DCDC1: variants seen among roughly 807,000 people sequenced by gnomAD.
DCDC1 encodes doublecortin domain-containing protein 1.
DCDC1 carries 200 observed loss-of-function variants against 178.3 expected under a neutral mutation model. That is an observed-to-expected ratio of 1.12 (90% CI 1.00 to 1.26). DCDC1 has a LOEUF of 1.26. Among genes scored for constraint, DCDC1 ranks in the 50% most tolerant of loss-of-function variants. DCDC1 has a pLI of 0.00. For missense variants in DCDC1, 1,983 were observed against 1,749.2 expected, an observed-to-expected ratio of 1.13 and a Z score of -2.38; for synonymous variants, 690 against 604.8, an observed-to-expected ratio of 1.14 and a Z score of -2.07.
At chr11:31,145,357 C>T (rs1490599309) in intron 9 of DCDC1, among the ~76,000 whole-genome samples, 4 of 152,096 alleles carry the variant, frequency 2.6e-5, no homozygotes, top group South Asian at 2.1e-4. Context: ...GAGAAATACT[C>T]GAAGATAGGA....
At chr11:30,943,698 G>T (rs1170167425) in intron 21 of DCDC1, 1 of 445,742 alleles carries the variant, frequency 2.2e-6, no homozygotes, top group Non-Finnish European at 4.5e-6. Context: ...GAAACCAAAA[G>T]AATTTATTAA....
intron 9 of DCDC1, among the ~76,000 whole-genome samples, chr11:31,187,710 G>A (rs889902498): frequency 6.6e-6 from 1 of 152,092 alleles, no homozygotes; most frequent in Non-Finnish European, 1.5e-5. Flanking sequence ...GAAATCAAAG[G>A]ATCCAGTTAC....
chr11:31,203,816 C>CA (rs765694429), intron 9 of DCDC1, among the ~76,000 whole-genome samples: 2 of 152,110 alleles, frequency 1.3e-5, no homozygotes, highest in Non-Finnish European at 2.9e-5. Flanking sequence ...ATATCACTAT[C>CA]ACTGCTTCTA....
chr11:30,902,314 C>A (rs1944741066), intron 32 of DCDC1, among the ~76,000 whole-genome samples: 1 of 152,134 alleles, frequency 6.6e-6, no homozygotes, highest in Non-Finnish European at 1.5e-5. Flanking sequence ...AAACATTCTT[C>A]CCCTCTGGAG....
At chr11:31,148,515 A>T (rs1964730101) in intron 9 of DCDC1, among the ~76,000 whole-genome samples, 1 of 152,070 alleles carries the variant, frequency 6.6e-6, no homozygotes, top group African/African-American at 2.4e-5. Flanking sequence ...CTCAAAAAAT[A>T]AAATAAATAA....
chr11:30,866,637 C>T (rs776547475), intron 38 of DCDC1, among the ~76,000 whole-genome samples: 20 of 152,150 alleles, frequency 1.3e-4, no homozygotes, highest in Non-Finnish European at 1.5e-4. Context: ...GATTCTTCCT[C>T]ATAGCCCTCA....
intron 20 of DCDC1, among the ~76,000 whole-genome samples, chr11:31,030,461 G>T (rs1358755256): frequency 1.3e-5 from 2 of 152,170 alleles, no homozygotes; most frequent in African/African-American, 4.8e-5. Context: ...GGTAGATTGT[G>T]ATCTACTACT....
intron 20 of DCDC1, among the ~76,000 whole-genome samples, chr11:31,052,938 GAACA>G (rs760789964): frequency 1.3e-5 from 2 of 151,630 alleles, no homozygotes; most frequent in Non-Finnish European, 2.9e-5. Context: ...AGAGAAACAA[GAACA>G]AACCAAACCC....
At chr11:31,206,047 G>A (rs1272423333) in intron 9 of DCDC1, among the ~76,000 whole-genome samples, 1 of 152,070 alleles carries the variant, frequency 6.6e-6, no homozygotes, top group African/African-American at 2.4e-5. Context: ...ACATTACTGC[G>A]ATAGATGAGT....
chr11:30,879,004 GC>G (rs753317410), intron 37 of DCDC1, among the ~76,000 whole-genome samples: 1 of 152,222 alleles, frequency 6.6e-6, no homozygotes, highest in East Asian at 1.9e-4. Flanking sequence ...AAGACAGAAA[GC>G]AGCAGTGAGA....
intron 11 of DCDC1, 104 bp downstream of exon 11, chr11:31,127,365 T>C: frequency 1.1e-5 from 6 of 537,020 alleles, no homozygotes; most frequent in Middle Eastern, 3.9e-4. Flanking sequence ...GAAGACAACA[T>C]TAAAAGAAAT....
At chr11:31,110,521 T>C (rs888967268) in intron 11 of DCDC1, among the ~76,000 whole-genome samples, 160 bp from the exon 12 acceptor site, 1 of 152,102 alleles carries the variant, frequency 6.6e-6, no homozygotes, top group Non-Finnish European at 1.5e-5. Flanking sequence ...GGACCGACTG[T>C]ATAAACACAT....
chr11:31,054,189 A>G (rs1415105526), intron 20 of DCDC1, among the ~76,000 whole-genome samples: 2 of 151,836 alleles, frequency 1.3e-5, no homozygotes, highest in Non-Finnish European at 2.9e-5. Context: ...GTGACCAAGC[A>G]GAGAATCAAA....
intron 10 of DCDC1, among the ~76,000 whole-genome samples, chr11:31,137,060 T>A (rs11031296): frequency 7.2e-5 from 11 of 152,134 alleles, no homozygotes; most frequent in Non-Finnish European, 4.4e-5. Flanking sequence ...ATTCAAAAAA[T>A]TTTTGTTTTT....
chr11:30,903,842 A>C, intron 31 of DCDC1, 159 bp from the exon 32 acceptor site: 1 of 619,596 alleles, frequency 1.6e-6, no homozygotes, highest in Non-Finnish European at 2.5e-6. Context: ...ATTACAGACT[A>C]TTTTGGATAT....
chr11:31,260,611 G>C (rs1463116422), intron 8 of DCDC1, among the ~76,000 whole-genome samples: 1 of 152,144 alleles, frequency 6.6e-6, no homozygotes, highest in South Asian at 2.1e-4. Flanking sequence ...AAATTTAACA[G>C]TACTCATTAT....
intron 6 of DCDC1, among the ~76,000 whole-genome samples, chr11:31,299,481 G>A (rs984814387): frequency 2.4e-4 from 37 of 152,150 alleles, no homozygotes; most frequent in African/African-American, 8.0e-4. Flanking sequence ...CTTTTGGAAC[G>A]GAGCAGACTA....
chr11:31,091,321 T>A (rs920666048), intron 17 of DCDC1, 72 bp downstream of exon 17: 3 of 634,450 alleles, frequency 4.7e-6, no homozygotes, highest in Non-Finnish European at 8.6e-6. Context: ...CCAGGAGGCA[T>A]CACAATTGAA....
At chr11:31,075,194 T>C (rs1956792973) in intron 18 of DCDC1, among the ~76,000 whole-genome samples, 1 of 152,206 alleles carries the variant, frequency 6.6e-6, no homozygotes, top group Non-Finnish European at 1.5e-5. Context: ...TCTCTGTCAG[T>C]TGCATCCATG....
Sources: gnomAD v4.1 joint callset for allele counts (sites outside exome capture counted in the v4.1 genomes callset) on GRCh38, gnomAD v4.1.1 for gene constraint, MANE v1.5 for transcripts, NCBI Gene and HGNC (gene_info 2026-07-23, HGNC 2026-07-21) for gene names.